Variants in CSMD1 observed in about 807,000 individuals in gnomAD.
CSMD1 encodes the protein CUB and sushi domain-containing protein 1.
A neutral mutation model predicts 417.5 loss-of-function variants in CSMD1; 213 were observed. That is an observed-to-expected ratio of 0.51 (90% CI 0.46 to 0.57). The LOEUF is 0.57. Among genes scored for constraint, CSMD1 ranks in the 20% least tolerant of loss-of-function variants. The pLI, the probability that CSMD1 is intolerant of heterozygous loss-of-function variation, is 0.00. For synonymous variants in CSMD1, 2,862 were observed against 1,736.8 expected, an observed-to-expected ratio of 1.65 and a Z score of -16.11; for missense variants, 6,923 against 4,529.7, an observed-to-expected ratio of 1.53 and a Z score of -15.17.
chr8:3,879,726 GAA>G (rs55774723), intron 5 of CSMD1, among the ~76,000 whole-genome samples: 1 of 151,956 alleles, frequency 6.6e-6, no homozygotes, highest in African/African-American at 2.4e-5. Flanking sequence ...AACCTACATA[GAA>G]AAAGTGTTGC....
chr8:3,930,227 G>C lies in CSMD1; in HGVS notation c.818+67676C>G, dbSNP rs191589813. Reference sequence around the variant, plus strand: ...GATTCTATACGTGACAAGTAAAGTAGAGGTCCTTCTTCAAAGACTTTCCTC... The same window carrying C: ...GATTCTATACGTGACAAGTAAAGTACAGGTCCTTCTTCAAAGACTTTCCTC... On this transcript the variant is annotated intron_variant, in intron 5 of 69. Transcript: ENST00000635120. 3.1e-4 allele frequency among the ~76,000 whole-genome samples: 46 copies of C among 150,352 alleles called. 2 individuals are homozygous for C. In the East Asian group the frequency reaches 7.5e-3, roughly 24 times the overall value.
chr8:4,213,242 C>T (rs1249895200), intron 3 of CSMD1, among the ~76,000 whole-genome samples: 2 of 152,134 alleles, frequency 1.3e-5, no homozygotes, highest in Admixed American at 6.5e-5. Flanking sequence ...AGCTGGGTGG[C>T]TCCATTCTGT....
chr8:4,775,182 C>G (rs889809056), intron 1 of CSMD1, among the ~76,000 whole-genome samples: 2 of 152,110 alleles, frequency 1.3e-5, no homozygotes, highest in African/African-American at 4.8e-5. Context: ...TCAACATCAA[C>G]TAGAATTTGA....
At chr8:3,557,072 G>A (rs920628768) in intron 10 of CSMD1, among the ~76,000 whole-genome samples, 2 of 152,194 alleles carry the variant, frequency 1.3e-5, no homozygotes, top group Admixed American at 6.5e-5. Context: ...AATGGCAAGT[G>A]CAATGGAACA....
chr8:3,711,425 T>C (rs546591473), intron 6 of CSMD1, among the ~76,000 whole-genome samples: 9 of 152,274 alleles, frequency 5.9e-5, no homozygotes, highest in African/African-American at 2.2e-4. Context: ...GACAGTCACC[T>C]ATCCCAGGCT....
intron 68 of CSMD1, 84 bp from the exon 69 acceptor site, chr8:2,942,688 G>A (rs568888850): frequency 3.1e-5 from 34 of 1,095,134 alleles, no homozygotes; most frequent in Admixed American, 2.5e-4. Flanking sequence ...AAATGGATAC[G>A]AACTCTTCAA....
intron 10 of CSMD1, among the ~76,000 whole-genome samples, chr8:3,506,566 A>T (rs944028730): frequency 6.6e-6 from 1 of 152,184 alleles, no homozygotes; most frequent in Non-Finnish European, 1.5e-5. Context: ...CTCATCTTTC[A>T]TTCATCTTCA....
chr8:3,852,934 C>A lies in CSMD1; in HGVS notation c.819-98892G>T, dbSNP rs543600958. ...TTTTATCTTGATCCCACCTTCCTCA[C>A]TAAATATTGCTCCATTTATTTGCAC... On this transcript the variant is annotated intron_variant, in intron 5 of 69. Transcript: ENST00000635120. Among the ~76,000 whole-genome samples the A allele has an allele frequency of 2.0e-3, 309 of 152,300 alleles. 1 individual carries two copies. Among genetic ancestry groups the A allele is most frequent in the Non-Finnish European group, 2.1e-3 (143 of 68,022 alleles).
At chr8:4,352,773 C>A (rs961559270) in intron 3 of CSMD1, among the ~76,000 whole-genome samples, 2 of 152,178 alleles carry the variant, frequency 1.3e-5, no homozygotes, top group Non-Finnish European at 2.9e-5. Flanking sequence ...GCAGACAAAT[C>A]TACTGTTGGA....
intron 5 of CSMD1, among the ~76,000 whole-genome samples, chr8:3,850,617 C>A (rs1389602958): frequency 1.3e-5 from 2 of 152,110 alleles, no homozygotes; most frequent in African/African-American, 4.8e-5. Context: ...ATAACTTGAA[C>A]CTGGGGGGCG....
intron 2 of CSMD1, among the ~76,000 whole-genome samples, chr8:4,563,799 A>T (rs150903069): frequency 8.4e-4 from 128 of 152,248 alleles, no homozygotes; most frequent in African/African-American, 2.9e-3. Context: ...TCTGTCCCCA[A>T]TGTGTGGCCC....
In CSMD1 at chr8:3,080,565, C is replaced by T. The variant is rs961451400; in HGVS notation, c.7474+6532G>A. Among the ~76,000 whole-genome samples the T allele has an allele frequency of 5.3e-5, 8 of 152,164 alleles. No individual in the cohort carries two copies. In the East Asian group the frequency reaches 5.8e-4, roughly 11 times the overall value. On this transcript the variant is annotated intron_variant, in intron 49 of 69. Transcript: ENST00000635120. ...ATTTGCTGAATCCAGAAGCTAATTG[C>T]GAGCCATCAAGGGGTCTTGGGAAGA...
intron 1 of CSMD1, among the ~76,000 whole-genome samples, chr8:4,645,455 A>AAAAAAAAAAAAAAG (rs1803460030): frequency 6.7e-6 from 1 of 149,696 alleles, no homozygotes; most frequent in Non-Finnish European, 1.5e-5. Flanking sequence ...AAAAAAAAAA[A>AAAAAAAAAAAAAAG]AAAAAAAAAA....
intron 2 of CSMD1, among the ~76,000 whole-genome samples, chr8:4,534,346 T>C (rs181147226): frequency 6.6e-6 from 1 of 152,244 alleles, no homozygotes; most frequent in African/African-American, 2.4e-5. Context: ...TTTGAAGCAA[T>C]TTTTGCTATA....
At chr8:4,434,217 A>T (rs1272553928) in intron 2 of CSMD1, among the ~76,000 whole-genome samples, 1 of 152,156 alleles carries the variant, frequency 6.6e-6, no homozygotes, top group Non-Finnish European at 1.5e-5. Flanking sequence ...GAGCACCTGT[A>T]ATCCCAGCTA....
intron 25 of CSMD1, among the ~76,000 whole-genome samples, chr8:3,291,463 T>C (rs1803553439): frequency 6.6e-6 from 1 of 152,324 alleles, no homozygotes; most frequent in Middle Eastern, 3.4e-3. Context: ...TCCTCGACTT[T>C]TTTTGGTTGG....
At chr8:3,796,488 CA>C (rs1372882692) in intron 5 of CSMD1, among the ~76,000 whole-genome samples, 113 of 138,808 alleles carry the variant, frequency 8.1e-4, no homozygotes, top group Non-Finnish European at 1.3e-3. Flanking sequence ...ATCTATCTAT[CA>C]TGTATAGATA....
chr8:3,906,843 T>A (rs1297830206), intron 5 of CSMD1, among the ~76,000 whole-genome samples: 1 of 152,112 alleles, frequency 6.6e-6, no homozygotes, highest in Non-Finnish European at 1.5e-5. Flanking sequence ...AGGACAGCAT[T>A]GTCATTTTGT....
At chr8:3,543,235 AG>A (rs1296300256) in intron 10 of CSMD1, among the ~76,000 whole-genome samples, 4 of 152,252 alleles carry the variant, frequency 2.6e-5, no homozygotes, top group African/African-American at 9.6e-5. Context: ...GGAGAAGCCC[AG>A]GATGTGACGT....
Sources: gnomAD v4.1 joint callset for allele counts (sites outside exome capture counted in the v4.1 genomes callset) on GRCh38, gnomAD v4.1.1 for gene constraint, MANE v1.5 for transcripts, NCBI Gene and HGNC (gene_info 2026-07-23, HGNC 2026-07-21) for gene names.